BLTP2: variants seen among roughly 807,000 people sequenced by gnomAD.
BLTP2 encodes bridge-like lipid transfer protein family member 2, also known as U937-associated antigen.
the BLTP2 span, chr17:28,621,628 T>C: frequency 1.5e-6 from 1 of 679,968 alleles, no homozygotes; most frequent in Non-Finnish European, 2.7e-6. Context: ...TGGAATAGCT[T>C]GAACCATATC....
the BLTP2 span, chr17:28,614,913 T>C: frequency 7.0e-6 from 5 of 710,144 alleles, no homozygotes; most frequent in Non-Finnish European, 1.2e-5. Flanking sequence ...CACCATGCCC[T>C]GCAGCGAACA....
the BLTP2 span, chr17:28,619,682 C>T: frequency 6.2e-7 from 1 of 1,613,878 alleles, no homozygotes; most frequent in East Asian, 2.2e-5. Context: ...TCTTCACTTT[C>T]CAGCTGCAGG....
the BLTP2 span, chr17:28,642,494 A>G: frequency 1.6e-6 from 1 of 636,618 alleles, no homozygotes. Context: ...TACTAAAAAT[A>G]CAAAAAATTA....
chr17:28,632,949 G>T, the BLTP2 span: 3 of 1,527,872 alleles, frequency 2.0e-6, no homozygotes, highest in Non-Finnish European at 2.6e-6. Context: ...CACTTCCACT[G>T]TGCCGAGTCA....
At chr17:28,621,712 C>T in the BLTP2 span, among the ~76,000 whole-genome samples, 3 of 152,172 alleles carry the variant, frequency 2.0e-5, no homozygotes, top group African/African-American at 7.2e-5. Flanking sequence ...AACTGAGTTA[C>T]ATGCACACTT....
chr17:28,638,659 C>T, the BLTP2 span: 1 of 1,438,172 alleles, frequency 7.0e-7, no homozygotes. Context: ...AGGAACAAGA[C>T]ATCATTGTTT....
the BLTP2 span, chr17:28,644,300 C>A: frequency 8.8e-7 from 1 of 1,140,048 alleles, no homozygotes; most frequent in South Asian, 1.4e-5. Flanking sequence ...TGGATCTGAG[C>A]AACTCTCCTT....
chr17:28,630,259 C>T, the BLTP2 span, among the ~76,000 whole-genome samples: 2,816 of 152,120 alleles, frequency 0.019, 39 homozygotes, highest in Non-Finnish European at 0.028. Context: ...CAGACTCCAG[C>T]CATCTTCCCA....
the BLTP2 span, among the ~76,000 whole-genome samples, chr17:28,627,835 A>G: frequency 2.6e-5 from 4 of 151,360 alleles, no homozygotes; most frequent in East Asian, 1.9e-4. Flanking sequence ...TTTTTGTATT[A>G]TTTTTAGTAG....
At chr17:28,616,733 G>A in the BLTP2 span, 2 of 1,614,206 alleles carry the variant, frequency 1.2e-6, no homozygotes, top group East Asian at 2.2e-5. This position sits in a 1 kb window ranked among gnomAD's most constrained non-coding sequence, Gnocchi z 4.8. Flanking sequence ...TCAGCTGGAT[G>A]GTGAGAGGCA....
chr17:28,635,314 G>A, the BLTP2 span: 1 of 1,614,200 alleles, frequency 6.2e-7, no homozygotes, highest in South Asian at 1.1e-5. Context: ...CCGGCTCAGT[G>A]ACACACTCTC....
the BLTP2 span, chr17:28,617,273 A>G: frequency 2.5e-6 from 4 of 1,614,224 alleles, no homozygotes; most frequent in South Asian, 4.4e-5. Context: ...ATGGTAAACC[A>G]GCCCAACTCC....
At chr17:28,619,080 T>C in the BLTP2 span, 1 of 814,510 alleles carries the variant, frequency 1.2e-6, no homozygotes, top group East Asian at 2.7e-5. Flanking sequence ...AATTAACCTA[T>C]TCTGGGTTAG....
At chr17:28,631,616 G>A in the BLTP2 span, 1 of 1,614,094 alleles carries the variant, frequency 6.2e-7, no homozygotes, top group Non-Finnish European at 8.5e-7. Context: ...ACGGTCACCT[G>A]ACTTAGGTCA....
At chr17:28,636,701 AG>A in the BLTP2 span, among the ~76,000 whole-genome samples, 1 of 152,180 alleles carries the variant, frequency 6.6e-6, no homozygotes, top group African/African-American at 2.4e-5. Context: ...AAAATAAAGA[AG>A]ATCAGGTGTC....
chr17:28,616,250 G>A, the BLTP2 span: 1 of 1,598,362 alleles, frequency 6.3e-7, no homozygotes, highest in Non-Finnish European at 8.6e-7. The surrounding 1 kb of genome is among the most constrained non-coding windows in gnomAD (Gnocchi z 4.8). Context: ...AAGAAACTCA[G>A]GACCCCAAAC....
chr17:28,643,181 A>T, the BLTP2 span: 15 of 1,614,102 alleles, frequency 9.3e-6, no homozygotes, highest in Non-Finnish European at 1.1e-5. Context: ...AAGATCTTCA[A>T]TAAGGATGGG....
At chr17:28,622,104 G>GA in the BLTP2 span, among the ~76,000 whole-genome samples, 1 of 152,220 alleles carries the variant, frequency 6.6e-6, no homozygotes, top group African/African-American at 2.4e-5. Flanking sequence ...GGGGCGGGGG[G>GA]AAAGAGTTCA....
chr17:28,625,334 CAAAAAAAAAAAAAAAAAAAAAAAA>C, the BLTP2 span, among the ~76,000 whole-genome samples: 1 of 29,064 alleles, frequency 3.4e-5, no homozygotes, highest in East Asian at 1.3e-3. Context: ...GACTCCGTCT[CAAAAAAAAAAAAAAAAAAAAAAAA>C]GAAAAAGAAA....
Sources: gnomAD v4.1 joint callset for allele counts (sites outside exome capture counted in the v4.1 genomes callset) on GRCh38, gnomAD v4.1.1 for gene constraint, Gnocchi (gnomAD v3.1) non-coding constraint, MANE v1.5 for transcripts, NCBI Gene and HGNC (gene_info 2026-07-23, HGNC 2026-07-21) for gene names.